Variants in CELF2 observed in about 807,000 individuals in gnomAD.
The protein encoded by CELF2 is CUG triplet repeat RNA-binding protein 2.
Under a neutral mutation model 62.6 loss-of-function variants are expected in CELF2, and 8 were observed. That is an observed-to-expected ratio of 0.13 (90% CI 0.07 to 0.23). CELF2 has a LOEUF of 0.23. CELF2 is among the 10% of genes least tolerant of loss of function. CELF2 has a pLI of 1.00. For synonymous variants in CELF2, 258 were observed against 250.0 expected (o/e 1.03, Z -0.30); for missense variants, 333 against 671.0 (o/e 0.50, Z 5.56).
At chr10:10,597,270 G>T in the CELF2 span, among the ~76,000 whole-genome samples, 3 of 152,168 alleles carry the variant, frequency 2.0e-5, no homozygotes, top group African/African-American at 7.2e-5. Context: ...AAGCATCTTG[G>T]AATCAGCCAC....
the CELF2 span, among the ~76,000 whole-genome samples, chr10:10,653,228 T>A: frequency 1.3e-5 from 2 of 151,882 alleles, no homozygotes; most frequent in Non-Finnish European, 2.9e-5. Context: ...AAGTCCTGAG[T>A]GACCTACAAA....
chr10:10,674,027 T>C, the CELF2 span, among the ~76,000 whole-genome samples: 5 of 152,224 alleles, frequency 3.3e-5, no homozygotes, highest in African/African-American at 1.2e-4. Context: ...TTTATAGATG[T>C]CCATTATATC....
the CELF2 span, among the ~76,000 whole-genome samples, chr10:10,487,829 A>AT: frequency 1.1e-4 from 17 of 152,310 alleles, no homozygotes; most frequent in South Asian, 2.9e-3. Flanking sequence ...TTTAAATTGT[A>AT]TAAAAATATA....
At chr10:11,116,512 G>T (rs959814274) in intron 1 of CELF2, among the ~76,000 whole-genome samples, 2 of 152,190 alleles carry the variant, frequency 1.3e-5, no homozygotes, top group Non-Finnish European at 2.9e-5. Flanking sequence ...AAACTGATCA[G>T]CAAGGCTTCA....
In CELF2 at chr10:11,333,043, C is replaced by A. The variant is rs566841403; in HGVS notation, c.*3990C>A. 1.3e-5 allele frequency: 2 copies of A among 152,428 alleles called. No individual in the cohort carries two copies. Among genetic ancestry groups the A allele is most frequent in the South Asian group, 4.2e-4 (2 of 4,818 alleles). The allele number at this position is 152,428 out of a possible 1,614,324, so 9.4% of individuals were successfully genotyped here. ...TTCTTATCAATTACCTAAATCTCAA[C>A]GAAAAACAATTTACTGAAGCCGACT... On this transcript the variant is annotated 3_prime_UTR_variant, in exon 13 of 13. Coordinates refer to ENST00000633077, the MANE Select transcript of CELF2 (RefSeq NM_001326342.2).
intron 2 of CELF2, chr10:10,970,665 A>G (rs2050660324): frequency 6.6e-6 from 1 of 152,218 alleles, no homozygotes; most frequent in African/African-American, 2.4e-5. Flanking sequence ...ACTGATAACA[A>G]TTCTCATTTT....
rs1346904918 is a variant in CELF2, at chr10:11,331,472, A to AG, written c.*2420dup. 6.6e-6 allele frequency: 1 copy of AG among 151,788 alleles called. No homozygotes were observed. Among genetic ancestry groups the AG allele is most frequent in the Admixed American group, 6.6e-5 (1 of 15,232 alleles). 9.4% of individuals were successfully genotyped at this position (151,788 alleles called of 1,614,324 possible). ...AAAATGTGATGTTTTTTTCTTTTAAAGAAAAAAAGTGAAAATATATAGTGC... is the reference window on the plus strand; with the variant it reads ...AAAATGTGATGTTTTTTTCTTTTAAAGGAAAAAAAGTGAAAATATATAGTGC... On this transcript the variant is annotated 3_prime_UTR_variant, in exon 13 of 13. Transcript: ENST00000633077.
intron 1 of CELF2, among the ~76,000 whole-genome samples, chr10:11,101,764 G>A (rs1483413021): frequency 6.6e-6 from 1 of 152,074 alleles, no homozygotes; most frequent in African/African-American, 2.4e-5. Context: ...TCCCTTGCCT[G>A]GAATAATTTT....
the CELF2 span, among the ~76,000 whole-genome samples, chr10:10,782,688 G>A: frequency 1.3e-5 from 2 of 152,124 alleles, no homozygotes; most frequent in East Asian, 1.9e-4. Context: ...TTCTTCCTCA[G>A]CATCTCATCC....
chr10:11,058,766 G>A (rs1385911402), intron 1 of CELF2, among the ~76,000 whole-genome samples: 2 of 150,122 alleles, frequency 1.3e-5, no homozygotes, highest in African/African-American at 2.4e-5. Flanking sequence ...CCGCGCCCGG[G>A]CTTTTTTGTT....
At chr10:10,968,406 C>T (rs553035104) in intron 2 of CELF2, among the ~76,000 whole-genome samples, 38 of 152,150 alleles carry the variant, frequency 2.5e-4, no homozygotes, top group Admixed American at 1.4e-3. Flanking sequence ...GTTAAATATG[C>T]GTATATCATG....
chr10:10,835,202 G>A (rs566669261), intron 1 of CELF2, among the ~76,000 whole-genome samples: 226 of 152,116 alleles, frequency 1.5e-3, no homozygotes, highest in African/African-American at 4.9e-3. Context: ...TTACAGGATG[G>A]AGTGTGCTAG....
the CELF2 span, among the ~76,000 whole-genome samples, chr10:10,708,631 T>G: frequency 3.3e-5 from 5 of 152,182 alleles, no homozygotes; most frequent in Non-Finnish European, 7.3e-5. Flanking sequence ...GGTTATAGAT[T>G]ATTCTATTTT....
At chr10:10,739,221 GACAGATGAATATTAACAAA>G in the CELF2 span, among the ~76,000 whole-genome samples, 1 of 151,900 alleles carries the variant, frequency 6.6e-6, no homozygotes, top group Non-Finnish European at 1.5e-5. Flanking sequence ...GAAAACTCAG[GACAGATGAATATTAACAAA>G]ACAGTGAGAT....
rs1214694154 is a variant in CELF2, at chr10:11,247,039, T to A, written c.355-2114T>A. On this transcript the variant is annotated intron_variant, in intron 3 of 12. Coordinates refer to ENST00000633077, the MANE Select transcript of CELF2 (RefSeq NM_001326342.2). The surrounding 1 kb of genome is among the most constrained non-coding windows in gnomAD (Gnocchi z 5.4). ...CTCCACCATCCCCACAACCAGCCAG[T>A]CGCCATGAAGTTCAGCCTCCACCAG... Among the ~76,000 whole-genome samples the A allele has an allele frequency of 6.6e-6, 1 of 152,188 alleles. No homozygotes were observed. The highest frequency in any genetic ancestry group is 2.4e-5 in the African/African-American group (1 of 41,434).
the CELF2 span, among the ~76,000 whole-genome samples, chr10:10,704,488 A>G: frequency 2.6e-5 from 4 of 152,220 alleles, no homozygotes; most frequent in African/African-American, 4.8e-5. Flanking sequence ...TCAGACTTTT[A>G]TTAAACATGT....
chr10:10,719,428 T>A, the CELF2 span, among the ~76,000 whole-genome samples: 56 of 152,206 alleles, frequency 3.7e-4, no homozygotes, highest in African/African-American at 1.3e-3. Flanking sequence ...CTGGCTAATT[T>A]TTTTTGTTGT....
chr10:10,642,195 T>C, the CELF2 span, among the ~76,000 whole-genome samples: 1 of 152,220 alleles, frequency 6.6e-6, no homozygotes, highest in African/African-American at 2.4e-5. Flanking sequence ...GTCCCAAGAT[T>C]ATTGGATTTT....
chr10:11,121,707 T>G lies in CELF2; in HGVS notation c.75-43779T>G, dbSNP rs985387240. On this transcript the variant is annotated intron_variant, in intron 1 of 12. Coordinates refer to ENST00000633077, the MANE Select transcript of CELF2 (RefSeq NM_001326342.2). ...CTAAGAGGCTAGTATTTTTTTTGTTTTTTTTACTGTCTTTGACTTTGATTT... is the reference window on the plus strand; with the variant it reads ...CTAAGAGGCTAGTATTTTTTTTGTTGTTTTTACTGTCTTTGACTTTGATTT... Among the ~76,000 whole-genome samples the G allele has an allele frequency of 8.9e-4, 136 of 152,338 alleles. 2 individuals are homozygous for G. Among genetic ancestry groups the G allele is most frequent in the Non-Finnish European group, 1.5e-3 (101 of 68,036 alleles).
Sources: gnomAD v4.1 joint callset for allele counts (sites outside exome capture counted in the v4.1 genomes callset) on GRCh38, gnomAD v4.1.1 for gene constraint, Gnocchi (gnomAD v3.1) non-coding constraint, MANE v1.5 for transcripts, NCBI Gene and HGNC (gene_info 2026-07-23, HGNC 2026-07-21) for gene names.